The following KSR1 variants were observed in gnomAD, a reference collection of about 807,000 sequenced individuals.
KSR1 encodes the protein kinase suppressor of ras.
A neutral mutation model predicts 92.9 loss-of-function variants in KSR1; 35 were observed. The ratio of observed to expected loss-of-function variants is 0.38; its 90% confidence interval spans 0.29 to 0.50. KSR1 has a LOEUF of 0.50. Among genes scored for constraint, KSR1 ranks in the 20% least tolerant of loss-of-function variants. The pLI, the probability that KSR1 is intolerant of heterozygous loss-of-function variation, is 0.94. For missense variants in KSR1, 972 were observed against 1,158.5 expected (o/e 0.84, Z 2.34); for synonymous variants, 467 against 472.6 (o/e 0.99, Z 0.15).
At chr17:27,539,199 T>G (rs905576378) in intron 1 of KSR1, among the ~76,000 whole-genome samples, 2 of 152,188 alleles carry the variant, frequency 1.3e-5, no homozygotes, top group Non-Finnish European at 2.9e-5. Flanking sequence ...GATTACCTGT[T>G]GTGATTGAGG....
chr17:27,487,772 C>T (rs938621758), intron 1 of KSR1, among the ~76,000 whole-genome samples: 4 of 151,932 alleles, frequency 2.6e-5, no homozygotes, highest in South Asian at 2.1e-4. Flanking sequence ...TACTCCTAGC[C>T]GAAGGTGAAG....
At chr17:27,511,270 G>T (rs1047766764) in intron 1 of KSR1, among the ~76,000 whole-genome samples, 1 of 152,222 alleles carries the variant, frequency 6.6e-6, no homozygotes, top group African/African-American at 2.4e-5. Context: ...TGACTGGACT[G>T]TCATGACATC....
At chr17:27,469,485 GGA>G (rs2150917992) in intron 1 of KSR1, among the ~76,000 whole-genome samples, 1 of 152,212 alleles carries the variant, frequency 6.6e-6, no homozygotes, top group South Asian at 2.1e-4. Context: ...GGATGTGCGG[GGA>G]CTCTGGGGTG....
chr17:27,535,076 A>C (rs1200462983), intron 1 of KSR1, among the ~76,000 whole-genome samples: 1 of 152,006 alleles, frequency 6.6e-6, no homozygotes, highest in Non-Finnish European at 1.5e-5. Context: ...GCTGGGAGTG[A>C]CCCTGGGTGG....
intron 17 of KSR1, among the ~76,000 whole-genome samples, chr17:27,610,565 A>G (rs965326522): frequency 6.6e-6 from 1 of 152,190 alleles, no homozygotes; most frequent in Non-Finnish European, 1.5e-5. Context: ...GGGGAGCTGG[A>G]TATCCTGCCG....
At chr17:27,576,432 A>G (rs974622111) in intron 2 of KSR1, among the ~76,000 whole-genome samples, 1 of 152,224 alleles carries the variant, frequency 6.6e-6, no homozygotes, top group African/African-American at 2.4e-5. Flanking sequence ...AATTATAACA[A>G]TACACTATAA....
At chr17:27,614,422 T>G (rs1208075272) in intron 18 of KSR1, among the ~76,000 whole-genome samples, 1 of 152,214 alleles carries the variant, frequency 6.6e-6, no homozygotes, top group Non-Finnish European at 1.5e-5. Flanking sequence ...TGGCAACAGT[T>G]TGTTTCCTTT....
chr17:27,580,849 C>T (rs894422763), intron 3 of KSR1, among the ~76,000 whole-genome samples: 2 of 152,136 alleles, frequency 1.3e-5, no homozygotes, highest in African/African-American at 2.4e-5. Context: ...TCACTGCAAC[C>T]TCTGCCTCCC....
chr17:27,526,048 C>CTTTTCTTTTCTTTTCTTTT, intron 1 of KSR1, among the ~76,000 whole-genome samples: 1 of 16,426 alleles, frequency 6.1e-5, no homozygotes, highest in Non-Finnish European at 9.6e-5. Flanking sequence ...TTTTCTTTCT[C>CTTTTCTTTTCTTTTCTTTT]TCTCTCTCTC....
At chr17:27,516,406 T>C (rs769732071) in intron 1 of KSR1, among the ~76,000 whole-genome samples, 11 of 152,162 alleles carry the variant, frequency 7.2e-5, no homozygotes, top group Non-Finnish European at 1.5e-4. Context: ...CAGAGGCCAA[T>C]GTGAGCCATA....
intron 1 of KSR1, among the ~76,000 whole-genome samples, chr17:27,526,050 C>CTTTTCTTT (rs2070268057): frequency 5.6e-4 from 9 of 16,132 alleles, no homozygotes; most frequent in African/African-American, 1.3e-3. Context: ...TTCTTTCTCT[C>CTTTTCTTT]TCTCTCTCTC....
chr17:27,499,604 G>T (rs552076781), intron 1 of KSR1, among the ~76,000 whole-genome samples: 1 of 152,188 alleles, frequency 6.6e-6, no homozygotes, highest in South Asian at 2.1e-4. Context: ...TCAGAACAAG[G>T]TGTGCCAGGC....
intron 1 of KSR1, among the ~76,000 whole-genome samples, chr17:27,532,416 C>T (rs1395148551): frequency 2.0e-5 from 3 of 152,226 alleles, no homozygotes; most frequent in Admixed American, 1.3e-4. Context: ...CTTTCAGGTA[C>T]GGGCTGCTCT....
chr17:27,539,791 A>C (rs1274940666), intron 1 of KSR1, among the ~76,000 whole-genome samples: 1 of 152,224 alleles, frequency 6.6e-6, no homozygotes, highest in Non-Finnish European at 1.5e-5. Flanking sequence ...TGAGGCAGGA[A>C]GGAAAACTTG....
Position 27,582,662 on chromosome 17 carries a change from G to C in KSR1, c.537G>C (p.Glu179Asp), listed in dbSNP as rs1567851972. ...KVTGLGGEHK[E>D]DSSWSSLDAR... Reference sequence around the variant, plus strand: ...GGTCCACAGGAGGGGAGCACAAGGAGGACTCCAGTTGGAGTTCATTGGATG... The same window carrying C: ...GGTCCACAGGAGGGGAGCACAAGGACGACTCCAGTTGGAGTTCATTGGATG... Residue 179 changes from glutamate to aspartate, a missense_variant, in exon 4 of 21, where the codon GAG (glutamate) becomes GAC (aspartate). Around this residue, in one of 5 missense-constraint regions of KSR1, gnomAD observed 611 missense variants for 668.0 expected, o/e 0.91. Coordinates refer to ENST00000644974, the MANE Select transcript of KSR1 (RefSeq NM_001394583.1). 3.1e-6 allele frequency: 5 copies of C among 1,610,098 alleles called. No individual in the cohort carries two copies. The highest frequency in any genetic ancestry group is 4.2e-6 in the Non-Finnish European group (5 of 1,177,318).
chr17:27,486,310 C>A (rs1361575461), intron 1 of KSR1, among the ~76,000 whole-genome samples: 1 of 152,224 alleles, frequency 6.6e-6, no homozygotes, highest in Non-Finnish European at 1.5e-5. Flanking sequence ...TGTCTTGGGT[C>A]TGGCATCCAA....
At chr17:27,613,908 A>G (rs1281652634) in intron 18 of KSR1, among the ~76,000 whole-genome samples, 1 of 152,124 alleles carries the variant, frequency 6.6e-6, no homozygotes, top group East Asian at 1.9e-4. Flanking sequence ...GGTTCAAGTG[A>G]TCTCCCGCCT....
At chr17:27,464,389 C>T (rs2019582090) in intron 1 of KSR1, among the ~76,000 whole-genome samples, 1 of 152,072 alleles carries the variant, frequency 6.6e-6, no homozygotes, top group Admixed American at 6.5e-5. Flanking sequence ...CCAAAAGATC[C>T]CCTGGAAATT....
intron 1 of KSR1, among the ~76,000 whole-genome samples, chr17:27,504,741 G>A (rs767728590): frequency 3.9e-5 from 6 of 152,220 alleles, no homozygotes; most frequent in African/African-American, 7.2e-5. Context: ...AGTAGCACGT[G>A]CCCTTGGGAG....
Sources: gnomAD v4.1 joint callset for allele counts (sites outside exome capture counted in the v4.1 genomes callset) on GRCh38, gnomAD v4.1.1 for gene constraint, gnomAD v4.1.1 regional missense constraint, MANE v1.5 for transcripts, NCBI Gene and HGNC (gene_info 2026-07-23, HGNC 2026-07-21) for gene names.